SLC8A1: variants seen among roughly 807,000 people sequenced by gnomAD.
SLC8A1 encodes the protein solute carrier family 8 member A1.
SLC8A1 carries 18 observed loss-of-function variants against 68.3 expected under a neutral mutation model. The observed-to-expected ratio is 0.26, with a 90% CI of 0.18 to 0.39. The LOEUF (loss-of-function observed/expected upper bound fraction) is 0.39. Among genes scored for constraint, SLC8A1 ranks in the 10% least tolerant of loss-of-function variants. The pLI is 1.00. For synonymous variants in SLC8A1, 475 were observed against 415.5 expected, an observed-to-expected ratio of 1.14 and a Z score of -1.74; for missense variants, 985 against 1,156.7, an observed-to-expected ratio of 0.85 and a Z score of 2.15.
At chr2:40,323,687 A>C (rs1326866522) in intron 2 of SLC8A1, among the ~76,000 whole-genome samples, 1 of 152,120 alleles carries the variant, frequency 6.6e-6, no homozygotes, top group Admixed American at 6.6e-5. Context: ...CCCAGTTCCT[A>C]AGGGGGGAAA....
intron 2 of SLC8A1, among the ~76,000 whole-genome samples, chr2:40,206,043 AGT>A (rs1425873168): frequency 6.6e-6 from 1 of 152,006 alleles, no homozygotes; most frequent in African/African-American, 2.4e-5. Context: ...GATTGGAAAA[AGT>A]AAAGTTACAG....
intron 1 of SLC8A1, among the ~76,000 whole-genome samples, chr2:40,487,610 A>T (rs1378798019): frequency 6.6e-6 from 1 of 152,156 alleles, no homozygotes; most frequent in Non-Finnish European, 1.5e-5. Flanking sequence ...TCGGGGGAAA[A>T]ATAGTGAATT....
At chr2:40,295,264 T>C (rs1013791703) in intron 2 of SLC8A1, among the ~76,000 whole-genome samples, 4 of 151,956 alleles carry the variant, frequency 2.6e-5, no homozygotes, top group African/African-American at 9.7e-5. Flanking sequence ...CATGCCCAGC[T>C]AATTTTAAAA....
At chr2:40,125,242 T>C (rs1315625432) in intron 7 of SLC8A1, among the ~76,000 whole-genome samples, 18 of 152,286 alleles carry the variant, frequency 1.2e-4, no homozygotes, top group Middle Eastern at 3.4e-3. Context: ...AAAAGCATCC[T>C]ATATACTACA....
chr2:40,174,156 G>C (rs913909549), intron 4 of SLC8A1, among the ~76,000 whole-genome samples: 5 of 151,970 alleles, frequency 3.3e-5, no homozygotes, highest in Non-Finnish European at 7.4e-5. Flanking sequence ...CCCTCAGATT[G>C]GTGTGGTGGG....
At chr2:40,189,694 A>G (rs922568900) in intron 2 of SLC8A1, 1 of 152,160 alleles carries the variant, frequency 6.6e-6, no homozygotes, top group Admixed American at 6.5e-5. Flanking sequence ...GTCACCCATA[A>G]TCCTATCACT....
intron 2 of SLC8A1, among the ~76,000 whole-genome samples, chr2:40,340,043 TGTTCATATGC>T (rs1413267018): frequency 3.9e-5 from 6 of 152,132 alleles, no homozygotes; most frequent in African/African-American, 1.4e-4. Flanking sequence ...AGAATACAAA[TGTTCATATGC>T]AAAAAAACCA....
At chr2:40,290,437 T>C (rs933688523) in intron 2 of SLC8A1, among the ~76,000 whole-genome samples, 3 of 152,094 alleles carry the variant, frequency 2.0e-5, no homozygotes, top group Admixed American at 6.6e-5. Context: ...TTCTATAGAA[T>C]ATATGCTTCT....
chr2:40,307,063 C>G (rs2072764244), intron 2 of SLC8A1, among the ~76,000 whole-genome samples: 1 of 151,944 alleles, frequency 6.6e-6, no homozygotes, highest in African/African-American at 2.4e-5. Flanking sequence ...TTCATAGCAG[C>G]ACTGTCCACA....
intron 2 of SLC8A1, among the ~76,000 whole-genome samples, chr2:40,183,618 T>G (rs1447961059): frequency 6.6e-6 from 1 of 152,194 alleles, no homozygotes; most frequent in African/African-American, 2.4e-5. Context: ...AATCTGCATT[T>G]TAACAAGATC....
chr2:40,155,717 T>G (rs1386248804), intron 6 of SLC8A1, among the ~76,000 whole-genome samples: 1 of 152,172 alleles, frequency 6.6e-6, no homozygotes, highest in African/African-American at 2.4e-5. Flanking sequence ...AGGATATTAA[T>G]CCACAAAGCA....
chr2:40,196,950 T>C (rs866782024), intron 2 of SLC8A1, among the ~76,000 whole-genome samples: 1 of 152,070 alleles, frequency 6.6e-6, no homozygotes, highest in South Asian at 2.1e-4. Context: ...TCTCACAGAA[T>C]TACTAAGTCT....
chr2:40,238,572 G>A (rs1215308809), intron 2 of SLC8A1, among the ~76,000 whole-genome samples: 10 of 152,290 alleles, frequency 6.6e-5, no homozygotes, highest in Middle Eastern at 3.4e-3. Context: ...CTTCTGCGTC[G>A]CTCACGCTGG....
rs116619476 is a variant in SLC8A1, at chr2:40,333,739, G to A, written c.1808+94734C>T. ...CTTGTCCCCTATTAGTTTGGAGTCA[G>A]TAATCATCACACAAAAAATATCAAT... On this transcript the variant is annotated intron_variant, in intron 2 of 7. Coordinates refer to ENST00000406785, the Ensembl canonical transcript of SLC8A1. 1.4e-3 allele frequency among the ~76,000 whole-genome samples: 220 copies of A among 152,054 alleles called. 1 individual carries two copies. The highest frequency in any genetic ancestry group is 5.2e-3 in the African/African-American group (214 of 41,494).
At chr2:40,415,762 G>A (rs1693625164) in intron 2 of SLC8A1, among the ~76,000 whole-genome samples, 3 of 151,770 alleles carry the variant, frequency 2.0e-5, no homozygotes, top group Admixed American at 6.6e-5. Flanking sequence ...TGGGTCACCT[G>A]AGGTCAGAGT....
At position 40,127,347 on chromosome 2, in the gene SLC8A1, C is replaced by T. The variant is rs115570908; in HGVS notation, c.2438-11718G>A. ...AAAGCACAGACTAAACGGCAGGAAG[C>T]ACGTCCAACCACTTCCAGCGCAGCC... On this transcript the variant is annotated intron_variant, in intron 7 of 7. Coordinates refer to ENST00000406785, the Ensembl canonical transcript of SLC8A1. 9.8e-3 allele frequency among the ~76,000 whole-genome samples: 1,497 copies of T among 152,232 alleles called. 20 individuals carry two copies. The highest frequency in any genetic ancestry group is 0.033 in the African/African-American group (1,384 of 41,522).
chr2:40,403,415 A>G (rs1194365498), intron 2 of SLC8A1, among the ~76,000 whole-genome samples: 1 of 152,112 alleles, frequency 6.6e-6, no homozygotes, highest in African/African-American at 2.4e-5. Flanking sequence ...TCTATTCCCC[A>G]TTCCCCATCC....
At chr2:40,341,930 G>A (rs147788119) in intron 2 of SLC8A1, among the ~76,000 whole-genome samples, 1,744 of 152,250 alleles carry the variant, frequency 0.011, 18 homozygotes, top group African/African-American at 0.04. Flanking sequence ...CTGGAGTGTG[G>A]ATCCTGCTTA....
chr2:40,422,136 G>A (rs116766690), intron 2 of SLC8A1, among the ~76,000 whole-genome samples: 3 of 152,114 alleles, frequency 2.0e-5, no homozygotes, highest in East Asian at 3.9e-4. Flanking sequence ...CTTACCCACA[G>A]TACATTCAGC....
Sources: gnomAD v4.1 joint callset for allele counts (sites outside exome capture counted in the v4.1 genomes callset) on GRCh38, gnomAD v4.1.1 for gene constraint, MANE v1.5 for transcripts, NCBI Gene and HGNC (gene_info 2026-07-23, HGNC 2026-07-21) for gene names.